STAU2: variants seen among roughly 807,000 people sequenced by gnomAD.
STAU2 encodes the protein staufen double-stranded RNA binding protein 2.
Under a neutral mutation model 65.9 loss-of-function variants are expected in STAU2, and 20 were observed. That is an observed-to-expected ratio of 0.30 (90% CI 0.21 to 0.44). The LOEUF is 0.44. STAU2 is among the 20% of genes least tolerant of loss of function. STAU2 has a pLI of 1.00. For missense variants in STAU2, 558 were observed against 683.9 expected (o/e 0.82, Z 2.05); for synonymous variants, 232 against 233.9 (o/e 0.99, Z 0.07).
intron 5 of STAU2, among the ~76,000 whole-genome samples, chr8:73,678,323 C>T (rs560578861): frequency 6.6e-6 from 1 of 152,264 alleles, no homozygotes; most frequent in South Asian, 2.1e-4. Context: ...TCCAGTCTTA[C>T]CTCCTACTAG....
chr8:73,686,937 G>A (rs1818879249), intron 5 of STAU2, among the ~76,000 whole-genome samples: 1 of 148,276 alleles, frequency 6.7e-6, no homozygotes, highest in South Asian at 2.1e-4. Context: ...CTGTCGCCCA[G>A]GCTGGAGTGT....
chr8:73,591,914 ACAAG>A (rs1773768035), intron 11 of STAU2, among the ~76,000 whole-genome samples: 3 of 101,958 alleles, frequency 2.9e-5, no homozygotes, highest in African/African-American at 1.0e-4. Context: ...AAAAAAAAAA[ACAAG>A]AGAGAGACAA....
intron 6 of STAU2, chr8:73,669,075 C>T (rs1395403066): frequency 1.4e-6 from 1 of 702,184 alleles, no homozygotes; most frequent in Non-Finnish European, 2.6e-6. Flanking sequence ...GGATCTTTGG[C>T]TCCAGAGTCC....
chr8:73,543,832 A>T (rs556294226), intron 13 of STAU2, among the ~76,000 whole-genome samples: 44 of 152,298 alleles, frequency 2.9e-4, no homozygotes, highest in African/African-American at 4.8e-4. Flanking sequence ...CTCCCTGGGC[A>T]ATATTAACTG....
intron 13 of STAU2, among the ~76,000 whole-genome samples, chr8:73,450,931 C>T (rs999321799): frequency 3.9e-5 from 6 of 152,172 alleles, no homozygotes; most frequent in Non-Finnish European, 2.9e-5. Flanking sequence ...TTACCAGCCA[C>T]CCTCCTGCTC....
At chr8:73,572,917 G>A (rs976936777) in intron 12 of STAU2, among the ~76,000 whole-genome samples, 3 of 152,146 alleles carry the variant, frequency 2.0e-5, no homozygotes, top group Admixed American at 1.3e-4. Flanking sequence ...GCAGGAGAGA[G>A]AAAGAAAGAA....
chr8:73,702,583 T>C (rs1270132041), intron 4 of STAU2, among the ~76,000 whole-genome samples: 1 of 152,066 alleles, frequency 6.6e-6, no homozygotes. Flanking sequence ...AATAATTTTT[T>C]AATTAAAAAA....
At chr8:73,654,379 C>T (rs1327978952) in intron 6 of STAU2, among the ~76,000 whole-genome samples, 1 of 151,948 alleles carries the variant, frequency 6.6e-6, no homozygotes, top group African/African-American at 2.4e-5. Flanking sequence ...TGTCCAGGCA[C>T]ACTGGCTGAC....
chr8:73,665,975 TA>T (rs1355632037), intron 6 of STAU2, among the ~76,000 whole-genome samples: 1 of 152,162 alleles, frequency 6.6e-6, no homozygotes, highest in African/African-American at 2.4e-5. Context: ...GTTTAGGAAA[TA>T]ATGACAAGAA....
intron 6 of STAU2, among the ~76,000 whole-genome samples, chr8:73,658,602 C>T (rs562349293): frequency 6.6e-5 from 10 of 151,994 alleles, no homozygotes; most frequent in Non-Finnish European, 8.8e-5. Flanking sequence ...CATTAATAGT[C>T]AAAGCAAATT....
chr8:73,483,726 A>C (rs769105724), intron 13 of STAU2, among the ~76,000 whole-genome samples: 1 of 152,186 alleles, frequency 6.6e-6, no homozygotes, highest in Non-Finnish European at 1.5e-5. Context: ...AAACAGAGGA[A>C]GTAAGCTATC....
chr8:73,614,503 C>T (rs11779462), intron 8 of STAU2, among the ~76,000 whole-genome samples: 6,504 of 152,002 alleles, frequency 0.043, 348 homozygotes, highest in Admixed American at 0.16. Flanking sequence ...TCTTGTGACA[C>T]GATTTTAAAA....
chr8:73,456,733 G>A (rs1005427090), intron 13 of STAU2, among the ~76,000 whole-genome samples: 9 of 152,136 alleles, frequency 5.9e-5, no homozygotes, highest in African/African-American at 1.7e-4. Flanking sequence ...TATGTTTACA[G>A]CCACTGATAT....
intron 13 of STAU2, among the ~76,000 whole-genome samples, chr8:73,456,805 T>A (rs150931136): frequency 1.6e-3 from 247 of 152,336 alleles, no homozygotes; most frequent in African/African-American, 5.4e-3. Flanking sequence ...CATTTGGGCA[T>A]CTATTTAAAC....
intron 13 of STAU2, among the ~76,000 whole-genome samples, chr8:73,476,506 T>C (rs1056444312): frequency 4.6e-5 from 7 of 152,212 alleles, no homozygotes; most frequent in Admixed American, 4.6e-4. Context: ...TTATGGGTAA[T>C]GTACTATGAC....
chr8:73,466,385 T>A (rs558817806), intron 13 of STAU2, among the ~76,000 whole-genome samples: 26 of 152,278 alleles, frequency 1.7e-4, no homozygotes, highest in African/African-American at 5.5e-4. Context: ...GTGAAAGGGC[T>A]TGAGCAACGC....
At chr8:73,479,712 C>CGTGTGTGTGTGTGTGTGTGT (rs5892422) in intron 13 of STAU2, among the ~76,000 whole-genome samples, 3,480 of 143,730 alleles carry the variant, frequency 0.024, 51 homozygotes, top group African/African-American at 0.038. Flanking sequence ...CTTAAATATA[C>CGTGTGTGTGTGTGTGTGTGT]GTGTGTGTGT....
At chr8:73,491,815 G>A (rs940016056) in intron 13 of STAU2, among the ~76,000 whole-genome samples, 3 of 151,788 alleles carry the variant, frequency 2.0e-5, no homozygotes, top group South Asian at 2.1e-4. Flanking sequence ...TCATGTGTTC[G>A]GACTAGAACT....
At chr8:73,526,841 G>T (rs1284800298) in intron 13 of STAU2, among the ~76,000 whole-genome samples, 1 of 152,144 alleles carries the variant, frequency 6.6e-6, no homozygotes, top group South Asian at 2.1e-4. Context: ...ACACTTTTCA[G>T]ATTTTTAGCT....
Sources: allele counts gnomAD v4.1 joint callset (sites outside exome capture counted in the v4.1 genomes callset), GRCh38; gene constraint gnomAD v4.1.1; transcripts MANE v1.5; gene names NCBI Gene and HGNC (gene_info 2026-07-23, HGNC 2026-07-21).